Variants in TNR observed in about 807,000 individuals in gnomAD.
The protein encoded by TNR is tenascin R, also known as tenascin-R.
A neutral mutation model predicts 150.4 loss-of-function variants in TNR; 45 were observed. The ratio of observed to expected loss-of-function variants is 0.30; its 90% CI spans 0.24 to 0.38. The LOEUF is 0.38. Among genes scored for constraint, TNR ranks in the 10% least tolerant of loss-of-function variants. TNR has a pLI of 1.00. For synonymous variants in TNR, 687 were observed against 678.4 expected (o/e 1.01, Z -0.20); for missense variants, 1,544 against 1,759.1 (o/e 0.88, Z 2.19).
At chr1:175,569,801 C>T (rs1440970239) in intron 1 of TNR, among the ~76,000 whole-genome samples, 4 of 152,156 alleles carry the variant, frequency 2.6e-5, no homozygotes, top group African/African-American at 4.8e-5. Context: ...TGATTCTTAT[C>T]GGGCAGGCAG....
At chr1:175,505,118 G>A (rs1458890803) in intron 2 of TNR, among the ~76,000 whole-genome samples, 1 of 144,030 alleles carries the variant, frequency 6.9e-6, no homozygotes, top group East Asian at 2.1e-4. Context: ...ATACAAGGTC[G>A]TTTCCAATCT....
At chr1:175,435,587 G>T (rs1655468644) in intron 2 of TNR, among the ~76,000 whole-genome samples, 1 of 152,210 alleles carries the variant, frequency 6.6e-6, no homozygotes. Context: ...TAAATTTGGT[G>T]AATATTCATG....
intron 1 of TNR, among the ~76,000 whole-genome samples, chr1:175,682,180 A>C (rs919408742): frequency 6.6e-6 from 1 of 152,200 alleles, no homozygotes; most frequent in African/African-American, 2.4e-5. Context: ...AGTAACAAAC[A>C]TAAGGACCCT....
intron 1 of TNR, among the ~76,000 whole-genome samples, chr1:175,570,012 C>G (rs954491035): frequency 1.2e-4 from 18 of 152,170 alleles, no homozygotes; most frequent in African/African-American, 4.3e-4. Flanking sequence ...CTTATGCATC[C>G]TACCCACTCC....
chr1:175,536,050 A>C (rs921002895), intron 1 of TNR, among the ~76,000 whole-genome samples: 1 of 152,210 alleles, frequency 6.6e-6, no homozygotes, highest in Non-Finnish European at 1.5e-5. Context: ...GAATCACACT[A>C]GTTATTAGAC....
At position 175,354,588 on chromosome 1, in the gene TNR, G is replaced by A. The variant is rs1413948352; in HGVS notation, c.3250-65C>T. 5 of 1,607,596 alleles carry A rather than the reference G, an allele frequency of 3.1e-6. No homozygotes were observed. The Admixed American group carries it at 8.4e-5, about 27-fold the overall frequency. On this transcript the variant is annotated intron_variant, in intron 17 of 22. Transcript: ENST00000367674. ...ACTGGCTTGCAATTTGGGAAAGTAG[G>A]GAAGGGAAGTCCAAATCCCATGGGC... is the stretch of plus-strand genomic sequence containing the variant.
intron 14 of TNR, among the ~76,000 whole-genome samples, chr1:175,360,659 A>AT (rs1557884567): frequency 1.8e-4 from 27 of 152,164 alleles, no homozygotes. Flanking sequence ...AATTGAAAGT[A>AT]TTTTTTTCAC....
At chr1:175,570,268 G>A (rs1278169583) in intron 1 of TNR, among the ~76,000 whole-genome samples, 1 of 152,190 alleles carries the variant, frequency 6.6e-6, no homozygotes, top group African/African-American at 2.4e-5. Flanking sequence ...AGGCCGAGGG[G>A]CAGGGTCATT....
chr1:175,551,373 C>A (rs1304117793), intron 1 of TNR, among the ~76,000 whole-genome samples: 2 of 152,086 alleles, frequency 1.3e-5, no homozygotes, highest in African/African-American at 2.4e-5. Flanking sequence ...CTCTGATGCA[C>A]CATTTCTAAG....
intron 18 of TNR, among the ~76,000 whole-genome samples, chr1:175,352,858 T>C (rs1651121334): frequency 6.6e-6 from 1 of 152,242 alleles, no homozygotes; most frequent in Non-Finnish European, 1.5e-5. Flanking sequence ...TTGTCATATC[T>C]GATCAGTGTC....
At chr1:175,356,249 A>C in intron 16 of TNR, 70 bp downstream of exon 16, 1 of 1,586,380 alleles carries the variant, frequency 6.3e-7, no homozygotes, top group African/African-American at 1.3e-5. Context: ...AATCTAGTCC[A>C]CCACAAGAAA....
intron 2 of TNR, among the ~76,000 whole-genome samples, chr1:175,428,465 A>G (rs1362709075): frequency 1.3e-5 from 2 of 152,202 alleles, no homozygotes; most frequent in African/African-American, 2.4e-5. Context: ...TAAGCCTTCA[A>G]AATTAAAACT....
chr1:175,614,590 TC>T (rs757148720), intron 1 of TNR, among the ~76,000 whole-genome samples: 20 of 152,200 alleles, frequency 1.3e-4, no homozygotes, highest in Non-Finnish European at 2.6e-4. Flanking sequence ...ATCATCATCA[TC>T]TCAAATTGTT....
intron 1 of TNR, among the ~76,000 whole-genome samples, chr1:175,694,274 C>T (rs1276731602): frequency 1.3e-5 from 2 of 152,330 alleles, no homozygotes; most frequent in South Asian, 2.1e-4. Flanking sequence ...CCTGCCATCA[C>T]TTCTGAATCT....
intron 1 of TNR, among the ~76,000 whole-genome samples, chr1:175,666,836 C>T (rs1175175538): frequency 6.6e-6 from 1 of 152,192 alleles, no homozygotes; most frequent in Non-Finnish European, 1.5e-5. Context: ...TAGCCTCAAA[C>T]TCCAGGTTCA....
intron 14 of TNR, 22 bp downstream of exon 14, chr1:175,362,641 C>T (rs1250521282): frequency 1.2e-6 from 2 of 1,607,716 alleles, no homozygotes; most frequent in African/African-American, 2.7e-5. Context: ...TCTGACTTGA[C>T]ACAGCAGGGA....
chr1:175,334,646 A>T (rs960745019), intron 20 of TNR, among the ~76,000 whole-genome samples: 1 of 152,178 alleles, frequency 6.6e-6, no homozygotes, highest in Non-Finnish European at 1.5e-5. Flanking sequence ...CCAGATGCAG[A>T]CTCAGGGCAC....
chr1:175,512,059 G>A (rs1181651220), intron 2 of TNR, among the ~76,000 whole-genome samples: 2 of 152,122 alleles, frequency 1.3e-5, no homozygotes, highest in Non-Finnish European at 2.9e-5. Flanking sequence ...GGTCTAGTAG[G>A]TCGAAATATT....
chr1:175,690,277 G>C (rs1358638607), intron 1 of TNR, among the ~76,000 whole-genome samples: 2 of 152,194 alleles, frequency 1.3e-5, no homozygotes, highest in African/African-American at 4.8e-5. Context: ...AGACAGATGA[G>C]GTCTCTGCTT....
Sources: gnomAD v4.1 joint callset for allele counts (sites outside exome capture counted in the v4.1 genomes callset) on GRCh38, gnomAD v4.1.1 for gene constraint, MANE v1.5 for transcripts, NCBI Gene and HGNC (gene_info 2026-07-23, HGNC 2026-07-21) for gene names.